Variants in LEKR1 observed in about 807,000 individuals in gnomAD.
LEKR1 encodes leucine, glutamate and lysine rich 1, also known as protein LEKR1.
LEKR1 carries 59 observed loss-of-function variants against 72.4 expected under a neutral mutation model. The observed-to-expected ratio is 0.82, with a 90% CI of 0.66 to 1.01. The LOEUF (loss-of-function observed/expected upper bound fraction) is 1.01, where lower values mean the gene tolerates loss of function less well. LEKR1 is among the 50% of genes least tolerant of loss of function. The pLI is 0.00. For synonymous variants in LEKR1, 257 were observed against 263.2 expected (o/e 0.98, Z 0.23); for missense variants, 728 against 759.2 (o/e 0.96, Z 0.48).
At chr3:156,910,066 C>T (rs1722959371) in intron 3 of LEKR1, among the ~76,000 whole-genome samples, 1 of 152,060 alleles carries the variant, frequency 6.6e-6, no homozygotes, top group African/African-American at 2.4e-5. Flanking sequence ...GAAGTCCTTG[C>T]CAAGGTATTA....
chr3:156,869,312 A>G (rs977126322), intron 3 of LEKR1, among the ~76,000 whole-genome samples: 2 of 152,164 alleles, frequency 1.3e-5, no homozygotes, highest in South Asian at 2.1e-4. Context: ...TTACATTCCT[A>G]TCAACAATGT....
At chr3:157,011,844 TCTTACAA>T (rs1048197639) in intron 10 of LEKR1, among the ~76,000 whole-genome samples, 1 of 152,156 alleles carries the variant, frequency 6.6e-6, no homozygotes, top group Admixed American at 6.6e-5. Flanking sequence ...GGGAAATAAT[TCTTACAA>T]CTTCTCTTCT....
intron 12 of LEKR1, among the ~76,000 whole-genome samples, chr3:157,035,084 A>G (rs1734868066): frequency 6.6e-6 from 1 of 152,240 alleles, no homozygotes; most frequent in African/African-American, 2.4e-5. Flanking sequence ...TTAGCAGTAA[A>G]ATATCTTTAA....
At chr3:156,891,376 A>G (rs1560056695) in intron 3 of LEKR1, among the ~76,000 whole-genome samples, 1 of 152,160 alleles carries the variant, frequency 6.6e-6, no homozygotes, top group Non-Finnish European at 1.5e-5. Context: ...GTACTTCAGA[A>G]TAGGTTCAAT....
intron 3 of LEKR1, among the ~76,000 whole-genome samples, chr3:156,905,555 A>G (rs1338277079): frequency 6.6e-6 from 1 of 152,060 alleles, no homozygotes; most frequent in African/African-American, 2.4e-5. Context: ...TCTTTTTGAC[A>G]TTTTTGAAGT....
At chr3:156,929,163 C>CT (rs147170073) in intron 5 of LEKR1, among the ~76,000 whole-genome samples, 81 of 144,326 alleles carry the variant, frequency 5.6e-4, no homozygotes, top group African/African-American at 1.0e-3. Context: ...ACTGGATGGA[C>CT]TTTTTTTTTT....
chr3:156,858,555 C>T (rs1716363892), intron 3 of LEKR1, among the ~76,000 whole-genome samples: 1 of 151,594 alleles, frequency 6.6e-6, no homozygotes, highest in African/African-American at 2.4e-5. Flanking sequence ...ACATCTGTAA[C>T]CCCAGACACT....
At chr3:156,868,351 A>C (rs541654413) in intron 3 of LEKR1, among the ~76,000 whole-genome samples, 1 of 152,034 alleles carries the variant, frequency 6.6e-6, no homozygotes, top group African/African-American at 2.4e-5. Flanking sequence ...ACGGATGTGA[A>C]TTTTTCTGTA....
At chr3:156,870,031 T>G (rs766007216) in intron 3 of LEKR1, among the ~76,000 whole-genome samples, 1 of 152,102 alleles carries the variant, frequency 6.6e-6, no homozygotes, top group African/African-American at 2.4e-5. Flanking sequence ...GTCAGTTTAT[T>G]TCTGGATTTT....
chr3:157,043,205 T>C (rs1735497114), intron 12 of LEKR1, among the ~76,000 whole-genome samples: 1 of 152,226 alleles, frequency 6.6e-6, no homozygotes, highest in African/African-American at 2.4e-5. Flanking sequence ...CTAAGCTTCC[T>C]GTACAGGCTG....
chr3:157,006,648 C>G (rs1280391600), intron 9 of LEKR1, among the ~76,000 whole-genome samples: 1 of 152,148 alleles, frequency 6.6e-6, no homozygotes, highest in African/African-American at 2.4e-5. Context: ...TGTAGTGTAT[C>G]TGTACAATGG....
At chr3:156,874,677 C>T (rs1312559791) in intron 3 of LEKR1, among the ~76,000 whole-genome samples, 1 of 152,018 alleles carries the variant, frequency 6.6e-6, no homozygotes. Context: ...AGTCTTTATC[C>T]CTCAAGTCCC....
intron 3 of LEKR1, among the ~76,000 whole-genome samples, chr3:156,876,975 TA>T (rs1718674326): frequency 1.3e-5 from 2 of 152,194 alleles, no homozygotes; most frequent in Admixed American, 1.3e-4. Context: ...AGATAGCTTT[TA>T]TTACCTTAAG....
intron 12 of LEKR1, among the ~76,000 whole-genome samples, chr3:157,036,362 G>T (rs1734968391): frequency 6.6e-6 from 1 of 151,772 alleles, no homozygotes; most frequent in Non-Finnish European, 1.5e-5. Flanking sequence ...GAAAGTAGAA[G>T]AAAAAAGCAA....
chr3:156,984,526 A>C (rs1251373226), intron 7 of LEKR1, among the ~76,000 whole-genome samples: 1 of 151,950 alleles, frequency 6.6e-6, no homozygotes, highest in East Asian at 1.9e-4. Flanking sequence ...AAAATACAAA[A>C]ATTAGCCAGG....
At chr3:156,963,335 G>A (rs1029129862) in intron 6 of LEKR1, among the ~76,000 whole-genome samples, 1 of 152,016 alleles carries the variant, frequency 6.6e-6, no homozygotes, top group Non-Finnish European at 1.5e-5. Flanking sequence ...TAACACCTAC[G>A]TGGGCACACT....
rs1715569289 is a variant in LEKR1 at position 156,852,980 on chromosome 3, A to C, written c.261A>C (p.Glu87Asp). 6.6e-7 allele frequency: 1 copy of C among 1,522,896 alleles called. No homozygotes were observed. Among genetic ancestry groups the C allele is most frequent in the Admixed American group, 2.0e-5 (1 of 50,746 alleles). 94.3% of individuals were successfully genotyped at this position (1,522,896 alleles called of 1,614,324 possible). A position where few individuals can be genotyped will look rare whatever the true frequency, so the allele number is the denominator to read the frequency against. The part of the protein sequence containing the change: ...QYKIDNKSKT[E>D]RIYDVGMQLK... Reference sequence around the variant, plus strand: ...AAATTGACAACAAATCCAAAACAGAAAGGTTGAGTATGTTTTTCTTTTCTA... The same window carrying C: ...AAATTGACAACAAATCCAAAACAGACAGGTTGAGTATGTTTTTCTTTTCTA... Residue 87 changes from glutamate to aspartate, a missense_variant and splice_region_variant, in exon 3 of 13, where the codon GAA (glutamate) becomes GAC (aspartate). Glu to Asp is a conservative substitution (Grantham distance 45). Transcript: ENST00000356539.
intron 5 of LEKR1, among the ~76,000 whole-genome samples, chr3:156,941,424 T>C (rs1171020030): frequency 6.6e-6 from 1 of 152,144 alleles, no homozygotes; most frequent in African/African-American, 2.4e-5. Context: ...TCTAGCTCTC[T>C]GCTTTACTTC....
chr3:156,994,639 A>G (rs557336626), intron 9 of LEKR1, among the ~76,000 whole-genome samples: 1 of 152,344 alleles, frequency 6.6e-6, no homozygotes, highest in East Asian at 1.9e-4. Context: ...TGAAAGATTC[A>G]GCATGTGTAA....
Sources: allele counts gnomAD v4.1 joint callset (sites outside exome capture counted in the v4.1 genomes callset), GRCh38; gene constraint gnomAD v4.1.1; transcripts MANE v1.5; gene names NCBI Gene and HGNC (gene_info 2026-07-23, HGNC 2026-07-21).